The following TMEM108 variants were observed in gnomAD, a reference collection of about 807,000 sequenced individuals.
TMEM108 encodes the protein cancer/testis antigen 124.
TMEM108 carries 12 observed loss-of-function variants against 35.1 expected under a neutral mutation model. That is an observed-to-expected ratio of 0.34 (90% CI 0.22 to 0.55). TMEM108 has a LOEUF of 0.55. Among genes scored for constraint, TMEM108 ranks in the 20% least tolerant of loss-of-function variants. The pLI, the probability that TMEM108 is intolerant of heterozygous loss-of-function variation, is 0.89. For missense variants in TMEM108, 680 were observed against 753.3 expected (o/e 0.90, Z 1.14); for synonymous variants, 287 against 308.6 (o/e 0.93, Z 0.73).
intron 3 of TMEM108, among the ~76,000 whole-genome samples, chr3:133,276,340 G>A (rs1437253169): frequency 1.3e-5 from 2 of 152,154 alleles, no homozygotes; most frequent in African/African-American, 4.8e-5. Context: ...CTTGTATCAC[G>A]TTTGCTCAGA....
intron 2 of TMEM108, among the ~76,000 whole-genome samples, chr3:133,073,510 C>CTCTCTCTCTCTATATATATATATATA: frequency 4.6e-5 from 2 of 43,906 alleles, no homozygotes; most frequent in African/African-American, 1.2e-4. Flanking sequence ...CTCTCTCTCT[C>CTCTCTCTCTCTATATATATATATATA]TATATATATA....
At chr3:133,202,330 G>A (rs1032222988) in intron 2 of TMEM108, among the ~76,000 whole-genome samples, 4 of 152,082 alleles carry the variant, frequency 2.6e-5, no homozygotes, top group African/African-American at 9.7e-5. Context: ...GGCTTATGTC[G>A]CCATTGCTTT....
intron 3 of TMEM108, among the ~76,000 whole-genome samples, chr3:133,369,289 T>G (rs1300449769): frequency 6.6e-6 from 1 of 152,144 alleles, no homozygotes; most frequent in African/African-American, 2.4e-5. Context: ...ACAGTCAAGT[T>G]GGGTTTTGGA....
At chr3:133,185,784 CTTTTT>C (rs11309146) in intron 2 of TMEM108, among the ~76,000 whole-genome samples, 2 of 127,094 alleles carry the variant, frequency 1.6e-5, no homozygotes, top group Non-Finnish European at 3.3e-5. Context: ...CTTTTCTTTT[CTTTTT>C]TTTTTTTTTT....
intron 3 of TMEM108, among the ~76,000 whole-genome samples, chr3:133,235,649 A>G (rs560160436): frequency 2.0e-5 from 3 of 152,264 alleles, no homozygotes; most frequent in Admixed American, 2.0e-4. Flanking sequence ...CATAAATGCC[A>G]GCTTTCTTAC....
intron 2 of TMEM108, among the ~76,000 whole-genome samples, chr3:133,079,873 C>T (rs1943788178): frequency 6.6e-6 from 1 of 152,150 alleles, no homozygotes; most frequent in Non-Finnish European, 1.5e-5. Context: ...TATGCCTTCT[C>T]TTCAAGGCAG....
intron 3 of TMEM108, among the ~76,000 whole-genome samples, chr3:133,309,682 C>CTTTTTTTTTTTTTTTTTTTTTTTT (rs148272827): frequency 1.4e-5 from 1 of 69,138 alleles, no homozygotes; most frequent in Non-Finnish European, 2.8e-5. Context: ...GAGTGAGTTT[C>CTTTTTTTTTTTTTTTTTTTTTTTT]TTTTTTTTTT....
intron 2 of TMEM108, among the ~76,000 whole-genome samples, chr3:133,116,506 G>T (rs1423738758): frequency 6.6e-6 from 1 of 152,080 alleles, no homozygotes; most frequent in Non-Finnish European, 1.5e-5. Context: ...ATAAATAAAT[G>T]AATAAAATGG....
chr3:133,219,295 C>T (rs1288448692), intron 2 of TMEM108, among the ~76,000 whole-genome samples: 3 of 151,494 alleles, frequency 2.0e-5, no homozygotes, highest in East Asian at 3.9e-4. Flanking sequence ...TGTTGATTAC[C>T]ACCTCTCAGT....
intron 2 of TMEM108, among the ~76,000 whole-genome samples, chr3:133,222,025 T>C (rs1945999932): frequency 6.6e-6 from 1 of 152,202 alleles, no homozygotes; most frequent in South Asian, 2.1e-4. Flanking sequence ...AGTTTTATGC[T>C]TTCATATGTT....
At chr3:133,162,668 C>T (rs879480090) in intron 2 of TMEM108, among the ~76,000 whole-genome samples, 1 of 152,192 alleles carries the variant, frequency 6.6e-6, no homozygotes, top group Non-Finnish European at 1.5e-5. Flanking sequence ...CTTTACTGTG[C>T]AAAATATCCA....
chr3:133,157,027 T>A (rs1235043914), intron 2 of TMEM108, among the ~76,000 whole-genome samples: 1 of 152,160 alleles, frequency 6.6e-6, no homozygotes, highest in African/African-American at 2.4e-5. Context: ...GATATTGGGG[T>A]TGTTACTGCA....
rs759592055 is a variant in TMEM108, at chr3:133,396,023, G to A, written c.*37G>A. ...ATCACTTTGCCATTCCGTATTTTTCGTCTCTAAATTATAAATATACAAATA... is the reference window on the plus strand; with the variant it reads ...ATCACTTTGCCATTCCGTATTTTTCATCTCTAAATTATAAATATACAAATA... On this transcript the variant is annotated 3_prime_UTR_variant, in exon 6 of 6. Transcript: ENST00000321871. The A allele has an allele frequency of 1.6e-5, 24 of 1,470,428 alleles. No individual in the cohort carries two copies. Among genetic ancestry groups the A allele is most frequent in the South Asian group, 1.1e-4 (7 of 63,828 alleles). 91.1% of individuals were successfully genotyped at this position (1,470,428 alleles called of 1,614,324 possible).
intron 3 of TMEM108, among the ~76,000 whole-genome samples, chr3:133,324,092 A>G (rs2071299893): frequency 6.6e-6 from 1 of 152,218 alleles, no homozygotes; most frequent in Non-Finnish European, 1.5e-5. Flanking sequence ...AACATCAGAA[A>G]AACTCTTCCA....
chr3:133,388,928 C>G, intron 4 of TMEM108: 1 of 985,586 alleles, frequency 1.0e-6, no homozygotes, highest in Middle Eastern at 5.2e-4. Context: ...CGGTGCTGGC[C>G]TCTCTGGACA....
At chr3:133,130,087 A>C (rs1429443616) in intron 2 of TMEM108, among the ~76,000 whole-genome samples, 1 of 150,558 alleles carries the variant, frequency 6.6e-6, no homozygotes. Context: ...TCTTAAGTCA[A>C]ATTTAACTTT....
At chr3:133,235,343 C>T (rs1330389962) in intron 3 of TMEM108, among the ~76,000 whole-genome samples, 3 of 152,126 alleles carry the variant, frequency 2.0e-5, no homozygotes, top group Non-Finnish European at 4.4e-5. Flanking sequence ...CGCTACCTGA[C>T]TTCAAACTAT....
intron 3 of TMEM108, among the ~76,000 whole-genome samples, chr3:133,245,881 G>A (rs1258590219): frequency 6.6e-6 from 1 of 151,724 alleles, no homozygotes; most frequent in Non-Finnish European, 1.5e-5. Flanking sequence ...AATAATATTT[G>A]TATTTAAACC....
At chr3:133,249,276 T>C (rs1946431238) in intron 3 of TMEM108, among the ~76,000 whole-genome samples, 1 of 152,096 alleles carries the variant, frequency 6.6e-6, no homozygotes, top group South Asian at 2.1e-4. Context: ...ACTGAGGAAA[T>C]AAATAAAGAC....
Sources: gnomAD v4.1 joint callset for allele counts (sites outside exome capture counted in the v4.1 genomes callset) on GRCh38, gnomAD v4.1.1 for gene constraint, MANE v1.5 for transcripts, NCBI Gene and HGNC (gene_info 2026-07-23, HGNC 2026-07-21) for gene names.